NIN: variants seen among roughly 807,000 people sequenced by gnomAD.
NIN encodes glycogen synthase kinase 3 beta-interacting protein.
Under a neutral mutation model 257.6 loss-of-function variants are expected in NIN, and 137 were observed. The ratio of observed to expected loss-of-function variants is 0.53; its 90% CI spans 0.46 to 0.61. The LOEUF (loss-of-function observed/expected upper bound fraction) is 0.61, where lower values mean the gene tolerates loss of function less well. Ranked by LOEUF, NIN falls within the 20% of genes least tolerant of loss-of-function variation. The probability of loss-of-function intolerance (pLI) is 0.00; values close to 1 mark genes in which losing one functional copy is unlikely to be tolerated. For missense variants in NIN, 2,439 were observed against 2,501.2 expected, an observed-to-expected ratio of 0.98 and a Z score of 0.53; for synonymous variants, 918 against 919.8, an observed-to-expected ratio of 1.00 and a Z score of 0.04.
At chr14:50,791,995 T>G (rs2043617506) in intron 5 of NIN, 1 of 152,230 alleles carries the variant, frequency 6.6e-6, no homozygotes. Context: ...TTCAATCATG[T>G]TCTATAAATG....
At chr14:50,735,790 T>C (rs543760141) in intron 27 of NIN, among the ~76,000 whole-genome samples, 173 bp from the exon 28 acceptor site, 53 of 152,334 alleles carry the variant, frequency 3.5e-4, no homozygotes, top group African/African-American at 1.4e-4. Flanking sequence ...ATTTAAGTAA[T>C]CTAGTTTTAA....
intron 22 of NIN, among the ~76,000 whole-genome samples, chr14:50,746,462 C>A (rs746243493): frequency 6.6e-6 from 1 of 152,314 alleles, no homozygotes; most frequent in Non-Finnish European, 1.5e-5. Flanking sequence ...GAAAGACACA[C>A]ATACCCTGAG....
chr14:50,780,312 C>A (rs1035552949), intron 5 of NIN, among the ~76,000 whole-genome samples: 1 of 152,216 alleles, frequency 6.6e-6, no homozygotes, highest in African/African-American at 2.4e-5. Context: ...AATGAAGCTG[C>A]CTTTGATAAC....
intron 2 of NIN, among the ~76,000 whole-genome samples, chr14:50,825,961 G>A (rs905003820): frequency 2.0e-5 from 3 of 152,116 alleles, no homozygotes; most frequent in African/African-American, 7.2e-5. Flanking sequence ...GCAGCTTTGG[G>A]ATTTAGGGCA....
chr14:50,826,595 T>A lies in NIN; in HGVS notation c.-22+3869A>T, dbSNP rs953413426. Among the ~76,000 whole-genome samples, 3 of 152,066 alleles carry A rather than the reference T, an allele frequency of 2.0e-5. No individual in the cohort carries two copies. The South Asian group carries it at 6.2e-4, about 31-fold the overall frequency. Reference sequence around the variant, plus strand: ...GTGTGGCTAGAATCATGAGTGGACATGTGGATTTATGAACTTTTCAGTGTT... The same window carrying A: ...GTGTGGCTAGAATCATGAGTGGACAAGTGGATTTATGAACTTTTCAGTGTT... On this transcript the variant is annotated intron_variant, in intron 2 of 30. Transcript: ENST00000530997.
chr14:50,767,991 G>GT (rs1424642515), intron 12 of NIN, among the ~76,000 whole-genome samples: 1 of 149,614 alleles, frequency 6.7e-6, no homozygotes, highest in Non-Finnish European at 1.5e-5. Flanking sequence ...ACCCATAAAA[G>GT]TTTTTTTAAA....
chr14:50,744,121 G>T, intron 23 of NIN, 122 bp downstream of exon 23: 2 of 1,047,436 alleles, frequency 1.9e-6, no homozygotes, highest in South Asian at 1.7e-5. Context: ...AAGAAATGCT[G>T]CTCCAGGACA....
In NIN at chr14:50,756,648, A is replaced by C; in HGVS notation, c.4382T>G (p.Leu1461Ter). The change falls in exon 18 of 31, where the codon TTA becomes TGA. Residue 1461 changes from leucine to a stop codon, truncating the protein, a stop_gained. Transcript: ENST00000530997. LOFTEE classifies it high-confidence loss of function. ...CTTCAACTTCCTAGTCAGCTCCTGT[A>C]ACTTTGTTTTCTCCAGTTCTAACTC... ...IAELELEKTK[L>*]QELTRKLKER... 1 of 1,554,400 alleles carries C rather than the reference A, an allele frequency of 6.4e-7. No individual in the cohort carries two copies. Among genetic ancestry groups the C allele is most frequent in the East Asian group, 2.4e-5 (1 of 41,178 alleles).
intron 25 of NIN, among the ~76,000 whole-genome samples, chr14:50,741,310 T>C (rs188862034): frequency 6.6e-6 from 1 of 152,320 alleles, no homozygotes; most frequent in Admixed American, 6.5e-5. Flanking sequence ...TTCATTTATA[T>C]GAAATTTAGA....
intron 27 of NIN, 54 bp from the exon 28 acceptor site, chr14:50,735,671 T>G: frequency 6.5e-7 from 1 of 1,546,244 alleles, no homozygotes; most frequent in Non-Finnish European, 8.7e-7. Flanking sequence ...ACACTTGAGT[T>G]GTTCTACTTT....
Position 50,758,088 on chromosome 14 carries a change from T to C in NIN, c.2942A>G (p.Gln981Arg), listed in dbSNP as rs762496177. The change falls in exon 18 of 31, where the codon CAG becomes CGG. Residue 981 changes from glutamine to arginine, a missense_variant. Gln to Arg is a conservative substitution (Grantham distance 43, BLOSUM62 1). This residue lies in a region of NIN where 2,043 missense variants were observed against 2,050.2 expected (regional missense o/e 1.00). Coordinates refer to ENST00000530997, the MANE Select transcript of NIN (RefSeq NM_020921.4). ...RLEMEHDQER[Q>R]EMMSKLLAME... Reference sequence around the variant, plus strand: ...GGCTAGAAGCTTGGACATCATTTCCTGCCTTTCCTGGTCATGTTCCATTTC... The same window carrying C: ...GGCTAGAAGCTTGGACATCATTTCCCGCCTTTCCTGGTCATGTTCCATTTC... 4.3e-6 allele frequency: 7 copies of C among 1,614,114 alleles called. No homozygotes were observed. The Admixed American group carries it at 1.2e-4, about 27-fold the overall frequency.
intron 28 of NIN, among the ~76,000 whole-genome samples, chr14:50,733,677 AGTGACT>A (rs1220260598): frequency 6.6e-6 from 1 of 152,198 alleles, no homozygotes; most frequent in Non-Finnish European, 1.5e-5. Context: ...AGGCTCTCAC[AGTGACT>A]AAGTACACAC....
intron 21 of NIN, among the ~76,000 whole-genome samples, chr14:50,750,598 ATCCAG>A (rs2041745230): frequency 6.6e-6 from 1 of 152,214 alleles, no homozygotes; most frequent in African/African-American, 2.4e-5. Context: ...CCTGGATAGT[ATCCAG>A]TCAAGATATT....
intron 4 of NIN, among the ~76,000 whole-genome samples, chr14:50,794,140 A>G (rs76328752): frequency 6.6e-6 from 1 of 152,308 alleles, no homozygotes; most frequent in African/African-American, 2.4e-5. Context: ...ATTACTTTAC[A>G]GTTTCCCAGG....
At chr14:50,768,103 G>A (rs531661235) in intron 12 of NIN, among the ~76,000 whole-genome samples, 19 of 144,622 alleles carry the variant, frequency 1.3e-4, no homozygotes, top group African/African-American at 4.3e-4. Flanking sequence ...ACACACAGAC[G>A]TGCCATTTGA....
chr14:50,788,744 G>A (rs183257994), intron 5 of NIN, among the ~76,000 whole-genome samples: 150 of 152,236 alleles, frequency 9.9e-4, no homozygotes, highest in African/African-American at 3.5e-3. Flanking sequence ...AGCCCCCTTG[G>A]GGACAGTTTT....
chr14:50,753,586 T>C (rs12588720), intron 20 of NIN, among the ~76,000 whole-genome samples: 41,746 of 152,152 alleles, frequency 0.27, 6,551 homozygotes, highest in East Asian at 0.52. Context: ...AATCCATTTA[T>C]ACATGGTAGT....
intron 14 of NIN, among the ~76,000 whole-genome samples, chr14:50,764,682 A>C (rs1166370411): frequency 6.6e-6 from 1 of 152,120 alleles, no homozygotes; most frequent in Non-Finnish European, 1.5e-5. Context: ...TGAACTTTAA[A>C]AACATTATGT....
rs1322520930 is a variant in NIN at position 50,721,845 on chromosome 14, G to C, written c.*1618C>G. On this transcript the variant is annotated 3_prime_UTR_variant, in exon 31 of 31. Coordinates refer to ENST00000530997, the MANE Select transcript of NIN (RefSeq NM_020921.4). ...GTAGTGAGGCCTCCTGGGTTGACCG[G>C]TGAGACTCATAAGCCCCCAAGAAAC... 5 of 223,494 alleles carry C rather than the reference G, an allele frequency of 2.2e-5. No individual in the cohort carries two copies. The highest frequency in any genetic ancestry group is 3.6e-5 in the Non-Finnish European group (4 of 111,930). The allele number at this position is 223,494 out of a possible 1,614,324, so 13.8% of individuals were successfully genotyped here.
Sources: gnomAD v4.1 joint callset for allele counts (sites outside exome capture counted in the v4.1 genomes callset) on GRCh38, gnomAD v4.1.1 for gene constraint, gnomAD v4.1.1 regional missense constraint, MANE v1.5 for transcripts, NCBI Gene and HGNC (gene_info 2026-07-23, HGNC 2026-07-21) for gene names.